SEPTIN7: variants seen among roughly 807,000 people sequenced by gnomAD.
SEPTIN7 encodes septin 7.
A neutral mutation model predicts 63.3 loss-of-function variants in SEPTIN7; 10 were observed. The ratio of observed to expected loss-of-function variants is 0.16; its 90% CI spans 0.10 to 0.27. SEPTIN7 has a LOEUF of 0.27. SEPTIN7 is among the 10% of genes least tolerant of loss of function. SEPTIN7 has a pLI of 1.00. For missense variants in SEPTIN7, 310 were observed against 521.0 expected, an observed-to-expected ratio of 0.59 and a Z score of 3.94; for synonymous variants, 131 against 165.3, an observed-to-expected ratio of 0.79 and a Z score of 1.59.
chr7:35,840,733 A>C (rs1392994529), intron 3 of SEPTIN7, among the ~76,000 whole-genome samples: 1 of 151,866 alleles, frequency 6.6e-6, no homozygotes, highest in African/African-American at 2.4e-5. Flanking sequence ...CTTGAGAGGG[A>C]TTTTAAAGGT....
chr7:35,872,282 A>T lies in SEPTIN7; in HGVS notation c.277-384A>T, dbSNP rs372961524. Reference sequence around the variant, plus strand: ...TTCTTCTCTGATTAATTACATTTGAACTCTGTGAATTATTAAATCACTCAA... The same window carrying T: ...TTCTTCTCTGATTAATTACATTTGATCTCTGTGAATTATTAAATCACTCAA... On this transcript the variant is annotated intron_variant, in intron 4 of 13. Coordinates refer to ENST00000350320, the MANE Select transcript of SEPTIN7 (RefSeq NM_001788.6). 2.0e-5 allele frequency among the ~76,000 whole-genome samples: 3 copies of T among 152,170 alleles called. No homozygotes were observed. In the East Asian group the frequency reaches 5.8e-4, roughly 29 times the overall value.
At chr7:35,815,461 A>G (rs377724210) in intron 1 of SEPTIN7, among the ~76,000 whole-genome samples, 36 of 152,344 alleles carry the variant, frequency 2.4e-4, no homozygotes, top group Middle Eastern at 3.4e-3. Flanking sequence ...GCAGAGTTCA[A>G]TCTAGCCTTT....
chr7:35,884,947 G>T (rs1397497123), intron 9 of SEPTIN7, among the ~76,000 whole-genome samples: 2 of 151,900 alleles, frequency 1.3e-5, no homozygotes, highest in African/African-American at 4.8e-5. Context: ...TTAATCTTCT[G>T]TATTATAGTA....
At chr7:35,913,451 CTCTT>C in the SEPTIN7 span, among the ~76,000 whole-genome samples, 1 of 150,516 alleles carries the variant, frequency 6.6e-6, no homozygotes, top group South Asian at 2.1e-4. Context: ...TTCTCTTTCT[CTCTT>C]TCTTTCATCT....
intron 3 of SEPTIN7, among the ~76,000 whole-genome samples, chr7:35,842,696 TTACTG>T (rs1235740892): frequency 6.6e-6 from 1 of 152,204 alleles, no homozygotes; most frequent in Non-Finnish European, 1.5e-5. Flanking sequence ...CTGCACATGA[TTACTG>T]TGCTGAAAAT....
At chr7:35,915,064 G>C in the SEPTIN7 span, among the ~76,000 whole-genome samples, 1 of 149,648 alleles carries the variant, frequency 6.7e-6, no homozygotes, top group African/African-American at 2.5e-5. Flanking sequence ...TATATACACA[G>C]ATGCATGCAT....
chr7:35,806,468 G>A (rs575458264), intron 1 of SEPTIN7, among the ~76,000 whole-genome samples: 1 of 152,286 alleles, frequency 6.6e-6, no homozygotes, highest in Non-Finnish European at 1.5e-5. Flanking sequence ...CCATTGATTA[G>A]CAATCTCTGG....
chr7:35,880,776 A>G (rs936587710), intron 7 of SEPTIN7, among the ~76,000 whole-genome samples: 21 of 152,102 alleles, frequency 1.4e-4, no homozygotes, highest in African/African-American at 4.6e-4. Flanking sequence ...CTCATGCTGT[A>G]TGACTGAGCT....
At position 35,803,380 on chromosome 7, in the gene SEPTIN7, A is replaced by G. The variant is rs537217244; in HGVS notation, c.61+2110A>G. Among the ~76,000 whole-genome samples, 6 of 152,298 alleles carry G rather than the reference A, an allele frequency of 3.9e-5. No individual in the cohort carries two copies. The East Asian group carries it at 7.7e-4, about 20-fold the overall frequency. On this transcript the variant is annotated intron_variant, in intron 1 of 13. Coordinates refer to ENST00000350320, the MANE Select transcript of SEPTIN7 (RefSeq NM_001788.6). ...AGAATTTAGAGGAATATGCTAGGAC[A>G]ACAACAACAACAAAGCTTGGGGGAG... is the stretch of plus-strand genomic sequence containing the variant.
chr7:35,875,798 A>C (rs1358303259), intron 6 of SEPTIN7, among the ~76,000 whole-genome samples: 2 of 152,040 alleles, frequency 1.3e-5, no homozygotes, highest in Non-Finnish European at 1.5e-5. Context: ...TACATACAAA[A>C]AAAATTTGTC....
rs539018773 is a variant in SEPTIN7 at position 35,809,202 on chromosome 7, G to C, written c.61+7932G>C. On this transcript the variant is annotated intron_variant, in intron 1 of 13. Transcript: ENST00000350320. ...ATTAAATGCTGTGGCAGTTGAAATA[G>C]AGGCATGGTGATTAAGAGTTTTCGG... is the stretch of plus-strand genomic sequence containing the variant. Among the ~76,000 whole-genome samples, 46 of 152,304 alleles carry C rather than the reference G, an allele frequency of 3.0e-4. No homozygotes were observed. In the South Asian group the frequency reaches 8.7e-3, roughly 29 times the overall value.
chr7:35,821,919 C>T lies in SEPTIN7; in HGVS notation c.62-9573C>T, dbSNP rs1348384575. On this transcript the variant is annotated intron_variant, in intron 1 of 13. Transcript: ENST00000350320. ...TCAGCCTCCTGAGTAGCTGCGATTA[C>T]AGGTGCATGCCTGGCTAATTTTTGT... Among the ~76,000 whole-genome samples, 7 of 152,266 alleles carry T rather than the reference C, an allele frequency of 4.6e-5. No individual in the cohort carries two copies. In the South Asian group the frequency reaches 1.0e-3, roughly 23 times the overall value.
chr7:35,807,695 T>A (rs1788442839), intron 1 of SEPTIN7, among the ~76,000 whole-genome samples: 1 of 152,092 alleles, frequency 6.6e-6, no homozygotes, highest in South Asian at 2.1e-4. Context: ...ACAGGGTTTC[T>A]CCACATTGGT....
At chr7:35,839,598 G>A (rs1192666976) in intron 3 of SEPTIN7, among the ~76,000 whole-genome samples, 1 of 151,902 alleles carries the variant, frequency 6.6e-6, no homozygotes, top group Non-Finnish European at 1.5e-5. Context: ...CTGTTGACCA[G>A]GCTGGAGTAC....
chr7:35,850,361 A>G (rs1025033904), intron 3 of SEPTIN7, among the ~76,000 whole-genome samples: 2 of 152,202 alleles, frequency 1.3e-5, no homozygotes, highest in Non-Finnish European at 2.9e-5. Context: ...AATTGATTTC[A>G]AAACCCAGGA....
At chr7:35,823,503 T>G (rs1160109276) in intron 1 of SEPTIN7, among the ~76,000 whole-genome samples, 1 of 152,216 alleles carries the variant, frequency 6.6e-6, no homozygotes, top group Non-Finnish European at 1.5e-5. Flanking sequence ...GCCCAGCAAC[T>G]TATTTTTTTA....
chr7:35,824,695 T>C (rs1783411829), intron 1 of SEPTIN7, among the ~76,000 whole-genome samples: 1 of 152,226 alleles, frequency 6.6e-6, no homozygotes. Flanking sequence ...TGTCATTTCA[T>C]GTCTTTAATA....
chr7:35,826,274 T>G (rs191691687), intron 1 of SEPTIN7, among the ~76,000 whole-genome samples: 125 of 151,972 alleles, frequency 8.2e-4, no homozygotes, highest in African/African-American at 2.0e-3. Context: ...AGAAGTAAAC[T>G]TCTGCATTAA....
chr7:35,814,038 G>A lies in SEPTIN7; in HGVS notation c.61+12768G>A, dbSNP rs577331170. 1.6e-4 allele frequency among the ~76,000 whole-genome samples: 21 copies of A among 135,346 alleles called. No homozygotes were observed. In the South Asian group the frequency reaches 2.0e-3, roughly 13 times the overall value. 88.8% of individuals were successfully genotyped at this position (135,346 alleles called of 152,430 possible). ...CATGTTTTATACCTGCTGTGTGCTG[G>A]TCACTGGGGAAACTGTTAAAAGTTG... On this transcript the variant is annotated intron_variant, in intron 1 of 13. Coordinates refer to ENST00000350320, the MANE Select transcript of SEPTIN7 (RefSeq NM_001788.6).
Sources: gnomAD v4.1 joint callset for allele counts (sites outside exome capture counted in the v4.1 genomes callset) on GRCh38, gnomAD v4.1.1 for gene constraint, MANE v1.5 for transcripts, NCBI Gene and HGNC (gene_info 2026-07-23, HGNC 2026-07-21) for gene names.